COMMD10: variants seen among roughly 807,000 people sequenced by gnomAD.
COMMD10 encodes the protein COMM domain containing 10.
COMMD10 carries 33 observed loss-of-function variants against 28.9 expected under a neutral mutation model. That is an observed-to-expected ratio of 1.14 (90% CI 0.87 to 1.53). COMMD10 has a LOEUF of 1.53. Ranked by LOEUF, COMMD10 falls within the 40% of genes most tolerant of loss-of-function variation. COMMD10 has a pLI of 0.00. For missense variants in COMMD10, 310 were observed against 233.4 expected (o/e 1.33, Z -2.14); for synonymous variants, 110 against 81.7 (o/e 1.35, Z -1.87).
At position 116,092,637 on chromosome 5, in the gene COMMD10, G is replaced by A. The variant is rs1129494; in HGVS notation, c.336G>A (p.Thr112=). The A allele has an allele frequency of 1.9e-6, 3 of 1,611,284 alleles. No homozygotes were observed. Among genetic ancestry groups the A allele is most frequent in the Non-Finnish European group, 2.5e-6 (3 of 1,178,688 alleles). ...ACAAAGCTGAAGCATTTGTCAATACGTGGTCTTCTATGGGTCAAGAAACAG... is the reference window on the plus strand; with the variant it reads ...ACAAAGCTGAAGCATTTGTCAATACATGGTCTTCTATGGGTCAAGAAACAG... The part of the protein sequence containing the change: ...RQDKAEAFVN[T]WSSMGQETVE... The change falls in exon 4 of 7, where the codon ACG becomes ACA. Residue 112 remains threonine, a synonymous_variant. Transcript: ENST00000274458.
rs1322550519 is a variant in COMMD10 at position 116,202,961 on chromosome 5, C to T, written c.510+68783C>T. Among the ~76,000 whole-genome samples the T allele has an allele frequency of 2.6e-5, 4 of 151,972 alleles. No homozygotes were observed. The East Asian group carries it at 5.8e-4, about 22-fold the overall frequency. ...GTGTTTTAGACATGAAGGCCTTGCC[C>T]ATGCCTATGTCCTGAATGGTATTGC... On this transcript the variant is annotated intron_variant, in intron 5 of 6. Coordinates refer to ENST00000274458, the MANE Select transcript of COMMD10 (RefSeq NM_016144.4).
chr5:116,219,324 A>G (rs932639480), intron 5 of COMMD10, among the ~76,000 whole-genome samples: 1 of 152,070 alleles, frequency 6.6e-6, no homozygotes, highest in Non-Finnish European at 1.5e-5. Context: ...CCATTTTAGT[A>G]GTAGTGCAGT....
chr5:116,212,839 A>G (rs1237468495), intron 5 of COMMD10, among the ~76,000 whole-genome samples: 1 of 152,088 alleles, frequency 6.6e-6, no homozygotes, highest in Non-Finnish European at 1.5e-5. Flanking sequence ...AATATTCTGT[A>G]TATATCTGAC....
intron 4 of COMMD10, among the ~76,000 whole-genome samples, chr5:116,128,575 C>A (rs938281454): frequency 2.0e-4 from 30 of 151,984 alleles, no homozygotes; most frequent in Non-Finnish European, 2.8e-4. Context: ...TCACATGTAA[C>A]TAAAATATTG....
chr5:116,195,646 G>C (rs758709653), intron 5 of COMMD10, among the ~76,000 whole-genome samples: 2 of 152,066 alleles, frequency 1.3e-5, no homozygotes, highest in African/African-American at 4.8e-5. Flanking sequence ...AAAGACTACT[G>C]AAAGAAATCA....
chr5:116,168,300 A>G (rs1753201156), intron 5 of COMMD10, among the ~76,000 whole-genome samples: 1 of 152,198 alleles, frequency 6.6e-6, no homozygotes, highest in Admixed American at 6.5e-5. Context: ...TCTTAAATAT[A>G]TATGCACGCA....
intron 5 of COMMD10, among the ~76,000 whole-genome samples, chr5:116,239,550 T>G (rs1406241320): frequency 6.6e-6 from 1 of 151,916 alleles, no homozygotes; most frequent in Non-Finnish European, 1.5e-5. Context: ...CTGACTCTTG[T>G]AGCATTTAGC....
intron 5 of COMMD10, among the ~76,000 whole-genome samples, chr5:116,234,605 A>G (rs936995829): frequency 2.6e-5 from 4 of 152,340 alleles, no homozygotes; most frequent in South Asian, 4.1e-4. Context: ...CAGTGTTCAA[A>G]TGGAGAAACC....
At chr5:116,259,069 T>C (rs1383701088) in intron 5 of COMMD10, among the ~76,000 whole-genome samples, 1 of 149,518 alleles carries the variant, frequency 6.7e-6, no homozygotes, top group East Asian at 1.9e-4. Flanking sequence ...TTAATTTTTT[T>C]TTTTTTTTTT....
chr5:116,229,668 AAAAC>A lies in COMMD10; in HGVS notation c.511-61845_511-61842del, dbSNP rs146779872. Among the ~76,000 whole-genome samples the A allele has an allele frequency of 7.6e-3, 1,153 of 152,174 alleles. 15 individuals are homozygous for A. The highest frequency in any genetic ancestry group is 0.027 in the African/African-American group (1,111 of 41,546). ...AACGGTTCATATGTGAAACAGCTAG[AAAAC>A]AAATTATGACAGTATATAATTGAGT... is the stretch of plus-strand genomic sequence containing the variant. On this transcript the variant is annotated intron_variant, in intron 5 of 6. Transcript: ENST00000274458.
intron 4 of COMMD10, among the ~76,000 whole-genome samples, chr5:116,106,707 G>T (rs892231718): frequency 2.0e-5 from 3 of 152,070 alleles, no homozygotes; most frequent in African/African-American, 7.2e-5. Context: ...GATAGCTCTT[G>T]TTGCATTGAT....
At chr5:116,253,913 AATCCAT>A (rs1750199862) in intron 5 of COMMD10, among the ~76,000 whole-genome samples, 1 of 151,610 alleles carries the variant, frequency 6.6e-6, no homozygotes, top group Non-Finnish European at 1.5e-5. Context: ...TTCGGCTGTG[AATCCAT>A]CTGGTCCTGG....
At chr5:116,138,323 A>G (rs1561624780) in intron 5 of COMMD10, among the ~76,000 whole-genome samples, 1 of 151,902 alleles carries the variant, frequency 6.6e-6, no homozygotes, top group Non-Finnish European at 1.5e-5. Flanking sequence ...AAAAAGAATA[A>G]AATAGTCCAT....
intron 5 of COMMD10, among the ~76,000 whole-genome samples, chr5:116,254,562 A>G (rs560336954): frequency 0.023 from 3,436 of 151,556 alleles, 51 homozygotes; most frequent in Non-Finnish European, 0.033. Context: ...TGTACCCAGT[A>G]GTCATTCAGG....
intron 5 of COMMD10, among the ~76,000 whole-genome samples, chr5:116,235,551 A>G (rs1421677736): frequency 1.3e-5 from 2 of 152,192 alleles, no homozygotes; most frequent in South Asian, 4.1e-4. Context: ...GGCATACTGG[A>G]GATACAATTT....
At chr5:116,168,373 C>A (rs1402180485) in intron 5 of COMMD10, among the ~76,000 whole-genome samples, 1 of 152,112 alleles carries the variant, frequency 6.6e-6, no homozygotes, top group Non-Finnish European at 1.5e-5. Context: ...CTTAGACTCA[C>A]ACACAATAAT....
At chr5:116,135,597 G>GAGTAC (rs1218521995) in intron 5 of COMMD10, among the ~76,000 whole-genome samples, 1 of 152,158 alleles carries the variant, frequency 6.6e-6, no homozygotes, top group Non-Finnish European at 1.5e-5. Context: ...TGAAATAGGT[G>GAGTAC]AGTACAGTAC....
intron 5 of COMMD10, among the ~76,000 whole-genome samples, chr5:116,289,764 C>G (rs562080485): frequency 1.3e-5 from 2 of 151,824 alleles, no homozygotes; most frequent in Non-Finnish European, 2.9e-5. Context: ...TTTCCTACCA[C>G]TTTCATTGGA....
intron 5 of COMMD10, among the ~76,000 whole-genome samples, chr5:116,174,720 C>G (rs1253961718): frequency 1.3e-5 from 2 of 152,144 alleles, no homozygotes; most frequent in Non-Finnish European, 2.9e-5. Context: ...TTGTGTCTCT[C>G]TTACTTGCCT....
Sources: allele counts gnomAD v4.1 joint callset (sites outside exome capture counted in the v4.1 genomes callset), GRCh38; gene constraint gnomAD v4.1.1; transcripts MANE v1.5; gene names NCBI Gene and HGNC (gene_info 2026-07-23, HGNC 2026-07-21).